Variants in KCNIP1 observed in about 807,000 individuals in gnomAD.
KCNIP1 encodes the protein potassium voltage-gated channel interacting protein 1.
KCNIP1 carries 18 observed loss-of-function variants against 33.0 expected under a neutral mutation model. That is an observed-to-expected ratio of 0.55 (90% CI 0.38 to 0.81). The LOEUF is 0.81. KCNIP1 is among the 30% of genes least tolerant of loss of function. The pLI, the probability that KCNIP1 is intolerant of heterozygous loss-of-function variation, is 0.00. For synonymous variants in KCNIP1, 93 were observed against 98.3 expected (o/e 0.95, Z 0.32); for missense variants, 238 against 271.6 (o/e 0.88, Z 0.87).
At chr5:170,468,096 G>A (rs1247742501) in intron 1 of KCNIP1, among the ~76,000 whole-genome samples, 3 of 151,950 alleles carry the variant, frequency 2.0e-5, no homozygotes, top group Non-Finnish European at 2.9e-5. Context: ...AATGTTTAAC[G>A]GAGCAATTGA....
intron 1 of KCNIP1, chr5:170,681,384 C>T (rs911159708): frequency 1.7e-5 from 6 of 358,706 alleles, no homozygotes; most frequent in Non-Finnish European, 2.5e-5. Context: ...TGTGGTGCGC[C>T]TGGGGAGTGC....
chr5:170,694,337 C>T (rs1762821622), intron 1 of KCNIP1, among the ~76,000 whole-genome samples: 1 of 152,006 alleles, frequency 6.6e-6, no homozygotes, highest in Non-Finnish European at 1.5e-5. Flanking sequence ...TTTTTATTAT[C>T]CTATAAAGAG....
At position 170,418,124 on chromosome 5, in the gene KCNIP1, T is replaced by C. The variant is rs556071196; in HGVS notation, c.88+64160T>C. 8.5e-4 allele frequency among the ~76,000 whole-genome samples: 129 copies of C among 152,310 alleles called. 1 individual carries two copies. Among genetic ancestry groups the C allele is most frequent in the African/African-American group, 2.9e-3 (121 of 41,560 alleles). ...AAACTTCTGAAATCAACCTCAGTAA[T>C]GTTTCCTTCAAATAACCCCTTCCCG... is the stretch of plus-strand genomic sequence containing the variant. On this transcript the variant is annotated intron_variant, in intron 1 of 7. Transcript: ENST00000377360.
intron 1 of KCNIP1, among the ~76,000 whole-genome samples, chr5:170,707,818 A>T (rs565831202): frequency 6.6e-6 from 1 of 152,216 alleles, no homozygotes; most frequent in East Asian, 1.9e-4. Flanking sequence ...TTTTCAGGAC[A>T]CTTTCAGGAC....
intron 1 of KCNIP1, among the ~76,000 whole-genome samples, chr5:170,528,213 C>T (rs929434386): frequency 2.0e-5 from 3 of 152,214 alleles, no homozygotes; most frequent in Non-Finnish European, 4.4e-5. Context: ...CTGCTCCCCA[C>T]CCACTTCCCT....
At chr5:170,506,841 C>G (rs936930495) in intron 1 of KCNIP1, among the ~76,000 whole-genome samples, 4 of 152,242 alleles carry the variant, frequency 2.6e-5, no homozygotes, top group Non-Finnish European at 5.9e-5. Flanking sequence ...AGGGGTCCAG[C>G]TGCATATGTT....
chr5:170,423,943 C>T (rs1423275330), intron 1 of KCNIP1, among the ~76,000 whole-genome samples: 1 of 152,210 alleles, frequency 6.6e-6, no homozygotes, highest in South Asian at 2.1e-4. Flanking sequence ...CTAATGAGAA[C>T]AGAAATAAAG....
At chr5:170,577,393 G>T (rs922169732) in intron 1 of KCNIP1, among the ~76,000 whole-genome samples, 5 of 152,184 alleles carry the variant, frequency 3.3e-5, no homozygotes, top group Non-Finnish European at 5.9e-5. Context: ...GCGAACATCT[G>T]TTATTAAATC....
At chr5:170,448,938 G>A (rs1756183112) in intron 1 of KCNIP1, among the ~76,000 whole-genome samples, 1 of 152,148 alleles carries the variant, frequency 6.6e-6, no homozygotes, top group African/African-American at 2.4e-5. Flanking sequence ...GGAGTGTAAG[G>A]GACCCGTCTA....
intron 1 of KCNIP1, among the ~76,000 whole-genome samples, chr5:170,453,065 C>T (rs756390858): frequency 6.6e-6 from 1 of 152,152 alleles, no homozygotes; most frequent in East Asian, 1.9e-4. Context: ...TTAAATTATA[C>T]GTCCGTGCAG....
intron 1 of KCNIP1, among the ~76,000 whole-genome samples, chr5:170,648,532 T>G (rs1760886066): frequency 6.6e-6 from 1 of 152,186 alleles, no homozygotes; most frequent in South Asian, 2.1e-4. Context: ...CCAATCATGC[T>G]TCCAACCATG....
At chr5:170,438,332 C>A (rs2113458204) in intron 1 of KCNIP1, among the ~76,000 whole-genome samples, 1 of 152,328 alleles carries the variant, frequency 6.6e-6, no homozygotes, top group Admixed American at 6.5e-5. Context: ...GCAGGGCCCA[C>A]TCTGGGCTTG....
At chr5:170,418,857 G>A (rs1755402226) in intron 1 of KCNIP1, among the ~76,000 whole-genome samples, 1 of 152,116 alleles carries the variant, frequency 6.6e-6, no homozygotes, top group South Asian at 2.1e-4. Flanking sequence ...CTCAACCCTG[G>A]CTTTCTTGCC....
In KCNIP1 at chr5:170,435,400, G is replaced by A. The variant is rs1273207249; in HGVS notation, c.88+81436G>A. On this transcript the variant is annotated intron_variant, in intron 1 of 7. Transcript: ENST00000377360. ...ACCAGAAACGGGACTTTGAGCTTGT[G>A]TTCCAGGGCAGAGGGCCCCAGCGCC... Among the ~76,000 whole-genome samples the A allele has an allele frequency of 2.0e-5, 3 of 152,226 alleles. No individual in the cohort carries two copies. The East Asian group carries it at 5.8e-4, about 29-fold the overall frequency.
chr5:170,427,083 T>G (rs975153320), intron 1 of KCNIP1, among the ~76,000 whole-genome samples: 2 of 152,248 alleles, frequency 1.3e-5, no homozygotes, highest in Non-Finnish European at 2.9e-5. Context: ...GCAGGTTCCC[T>G]GCTTTCTGCT....
intron 1 of KCNIP1, among the ~76,000 whole-genome samples, chr5:170,431,909 G>A (rs1755750770): frequency 6.6e-6 from 1 of 152,168 alleles, no homozygotes; most frequent in African/African-American, 2.4e-5. Context: ...TGTCCCCCAG[G>A]ACATTCCACT....
rs181178932 is a variant in KCNIP1, at chr5:170,457,193, G to A, written c.88+103229G>A. On this transcript the variant is annotated intron_variant, in intron 1 of 7. Coordinates refer to the KCNIP1 transcript ENST00000377360. ...AACAAATTAAATTACAAATGAAATG[G>A]ACAAATTCTTAGAAAGACACAAACT... Among the ~76,000 whole-genome samples, 56 of 152,154 alleles carry A rather than the reference G, an allele frequency of 3.7e-4. 1 individual carries two copies. The East Asian group carries it at 0.01, about 27-fold the overall frequency.
intron 1 of KCNIP1, among the ~76,000 whole-genome samples, chr5:170,559,150 C>T (rs1756945072): frequency 6.6e-6 from 1 of 152,214 alleles, no homozygotes; most frequent in South Asian, 2.1e-4. Context: ...TCCACCTTCA[C>T]TCTAGACTGA....
intron 3 of KCNIP1, among the ~76,000 whole-genome samples, chr5:170,721,027 G>T (rs541369911): frequency 6.6e-6 from 1 of 152,214 alleles, no homozygotes; most frequent in Non-Finnish European, 1.5e-5. Context: ...GGACCACATC[G>T]GTGACTCCTC....
Sources: gnomAD v4.1 joint callset for allele counts (sites outside exome capture counted in the v4.1 genomes callset) on GRCh38, gnomAD v4.1.1 for gene constraint, MANE v1.5 for transcripts, NCBI Gene and HGNC (gene_info 2026-07-23, HGNC 2026-07-21) for gene names.